The following ANAPC7 variants were observed in gnomAD, a reference collection of about 807,000 sequenced individuals.
ANAPC7 encodes the protein anaphase-promoting complex subunit 7.
Under a neutral mutation model 63.3 loss-of-function variants are expected in ANAPC7, and 25 were observed. That is an observed-to-expected ratio of 0.39 (90% CI 0.29 to 0.55). The LOEUF (loss-of-function observed/expected upper bound fraction) is 0.55. Among genes scored for constraint, ANAPC7 ranks in the 20% least tolerant of loss-of-function variants. The pLI is 0.57. For synonymous variants in ANAPC7, 241 were observed against 251.7 expected (o/e 0.96, Z 0.40); for missense variants, 516 against 691.7 (o/e 0.75, Z 2.85).
rs188178013 is a variant in ANAPC7, at chr12:110,391,473, T to C, written c.409-2850A>G. On this transcript the variant is annotated intron_variant, in intron 3 of 10. Transcript: ENST00000455511. ...CATTTTGACTCACTTCCTTGTCCTT[T>C]ACATAGACTGAGAAGCCAGTTAACT... 6.3e-3 allele frequency among the ~76,000 whole-genome samples: 958 copies of C among 152,274 alleles called. 4 individuals carry two copies. Among genetic ancestry groups the C allele is most frequent in the Middle Eastern group, 0.017 (5 of 294 alleles).
At chr12:110,391,074 C>T (rs1391588166) in intron 3 of ANAPC7, among the ~76,000 whole-genome samples, 3 of 152,036 alleles carry the variant, frequency 2.0e-5, no homozygotes, top group Non-Finnish European at 4.4e-5. Flanking sequence ...CCTGTAGTAC[C>T]AGCTACTCAG....
At chr12:110,393,954 C>CA (rs1883328712) in intron 3 of ANAPC7, among the ~76,000 whole-genome samples, 2 of 149,140 alleles carry the variant, frequency 1.3e-5, no homozygotes, top group South Asian at 4.3e-4. Flanking sequence ...AGGCGAATCA[C>CA]AAAGTCAGGA....
Position 110,376,283 on chromosome 12 carries a change from T to A in ANAPC7, c.1358-67A>T, listed in dbSNP as rs1018269700. Reference sequence around the variant, plus strand: ...AAAACCACAACTACCATTCTGACCATCTCTTTGCAGACATCCTCAAGAGAA... The same window carrying A: ...AAAACCACAACTACCATTCTGACCAACTCTTTGCAGACATCCTCAAGAGAA... On this transcript the variant is annotated intron_variant, in intron 9 of 10. Coordinates refer to ENST00000455511, the MANE Select transcript of ANAPC7 (RefSeq NM_016238.3). 4.5e-6 allele frequency: 7 copies of A among 1,570,938 alleles called. No homozygotes were observed. The African/African-American group carries it at 9.5e-5, about 21-fold the overall frequency.
chr12:110,400,127 A>G (rs2062208352), intron 1 of ANAPC7, among the ~76,000 whole-genome samples: 1 of 152,172 alleles, frequency 6.6e-6, no homozygotes. Context: ...AAAAGAGTAT[A>G]GTCTAGATGA....
chr12:110,374,748 G>A (rs4131850), intron 10 of ANAPC7, among the ~76,000 whole-genome samples: 21,210 of 152,050 alleles, frequency 0.14, 2,182 homozygotes, highest in African/African-American at 0.29. Context: ...GAGTATAGGT[G>A]TCCCATGTTC....
intron 8 of ANAPC7, 126 bp from the exon 9 acceptor site, chr12:110,377,743 G>T: frequency 1.3e-6 from 2 of 1,510,380 alleles, no homozygotes; most frequent in South Asian, 2.6e-5. Context: ...ACGGGAAACT[G>T]ATGGTGAGAT....
chr12:110,387,616 C>G, intron 5 of ANAPC7, 123 bp downstream of exon 5: 1 of 1,177,184 alleles, frequency 8.5e-7, no homozygotes, highest in Non-Finnish European at 1.2e-6. Flanking sequence ...CTAACACATC[C>G]CAGAGACTGG....
At chr12:110,386,007 G>A (rs1471813397) in intron 6 of ANAPC7, among the ~76,000 whole-genome samples, 1 of 152,006 alleles carries the variant, frequency 6.6e-6, no homozygotes, top group African/African-American at 2.4e-5. Context: ...TGGTTTTAGG[G>A]ATGCCATCCA....
chr12:110,382,875 A>T lies in ANAPC7; in HGVS notation c.903T>A (p.Ser301=), dbSNP rs754021937. The change falls in exon 7 of 11, where the codon TCT becomes TCA. Residue 301 remains serine (S), a synonymous_variant. Transcript: ENST00000455511. ...CCACCCACGGTTCTGCATGCTGATC[A>T]GAGATATTGAAAAGGCGGCATCCAA... ...ENLGCRLFNI[S]DQHAEPWVVS... 4 of 1,613,868 alleles carry T rather than the reference A, an allele frequency of 2.5e-6. No individual in the cohort carries two copies. Among genetic ancestry groups the T allele is most frequent in the Non-Finnish European group, 3.4e-6 (4 of 1,179,874 alleles).
Position 110,377,487 on chromosome 12 carries a change from T to C in ANAPC7, c.1263A>G (p.Pro421=). 3.7e-6 allele frequency: 6 copies of C among 1,614,246 alleles called. No homozygotes were observed. The highest frequency in any genetic ancestry group is 5.1e-6 in the Non-Finnish European group (6 of 1,180,044). Residue 421 remains proline, a synonymous_variant, in exon 9 of 11, where the codon CCA becomes CCG. Coordinates refer to ENST00000455511, the MANE Select transcript of ANAPC7 (RefSeq NM_016238.3). ...TLLATVCLED[P]VTQEKAKTLL... is the part of the protein sequence containing the mutation. ...ATGTTTTGGCTTTCTCCTGTGTCAC[T>C]GGGTCTTCAAGACAAACGGTGGCTA... is the stretch of plus-strand genomic sequence containing the variant.
chr12:110,396,669 C>A (rs1343205890), intron 1 of ANAPC7, among the ~76,000 whole-genome samples: 1 of 125,912 alleles, frequency 7.9e-6, no homozygotes, highest in Non-Finnish European at 1.7e-5. Flanking sequence ...TGGCACCACA[C>A]CCAGCTAATT....
chr12:110,382,632 C>T (rs563876590), intron 7 of ANAPC7, among the ~76,000 whole-genome samples: 3 of 151,428 alleles, frequency 2.0e-5, no homozygotes, highest in South Asian at 4.2e-4. Context: ...TGCAGTGGCA[C>T]GATCTTGGCT....
chr12:110,377,730 G>C (rs1592893776), intron 8 of ANAPC7, 113 bp from the exon 9 acceptor site: 2 of 1,531,090 alleles, frequency 1.3e-6, no homozygotes, highest in East Asian at 2.4e-5. Flanking sequence ...CAAAGGGCAG[G>C]CCACGGGAAA....
At chr12:110,380,948 GGAGT>G (rs1881781827) in intron 8 of ANAPC7, among the ~76,000 whole-genome samples, 1 of 151,632 alleles carries the variant, frequency 6.6e-6, no homozygotes, top group South Asian at 2.1e-4. Flanking sequence ...AAAAAAAAGA[GGAGT>G]AAGAGAAAAA....
chr12:110,392,708 C>T (rs894746587), intron 3 of ANAPC7, among the ~76,000 whole-genome samples: 1 of 152,064 alleles, frequency 6.6e-6, no homozygotes, highest in Non-Finnish European at 1.5e-5. Flanking sequence ...AGTAGTAAAG[C>T]TCACAAATTG....
At chr12:110,396,711 C>T (rs907576665) in intron 1 of ANAPC7, among the ~76,000 whole-genome samples, 4 of 150,492 alleles carry the variant, frequency 2.7e-5, no homozygotes, top group African/African-American at 4.9e-5. Flanking sequence ...CATGGGGTTT[C>T]GCCATGTTAG....
chr12:110,402,550 G>C (rs2138003720), intron 1 of ANAPC7, among the ~76,000 whole-genome samples: 2 of 152,108 alleles, frequency 1.3e-5, no homozygotes, highest in Admixed American at 1.3e-4. Context: ...TAGCCAGGAT[G>C]ATCTCGATCT....
At chr12:110,395,034 GA>G (rs899736498) in intron 3 of ANAPC7, 66 bp downstream of exon 3, 5 of 1,550,726 alleles carry the variant, frequency 3.2e-6, no homozygotes, top group Admixed American at 2.0e-5. Context: ...TAATGCATGA[GA>G]AAACATGGAG....
At chr12:110,391,625 C>T (rs1469053541) in intron 3 of ANAPC7, among the ~76,000 whole-genome samples, 3 of 152,100 alleles carry the variant, frequency 2.0e-5, no homozygotes, top group African/African-American at 4.8e-5. Context: ...CAGACTCATA[C>T]AGGTGCTCTA....
Sources: allele counts gnomAD v4.1 joint callset (sites outside exome capture counted in the v4.1 genomes callset), GRCh38; gene constraint gnomAD v4.1.1; transcripts MANE v1.5; gene names NCBI Gene and HGNC (gene_info 2026-07-23, HGNC 2026-07-21).